Variants in HIBADH observed in about 807,000 individuals in gnomAD.
HIBADH encodes 3-hydroxyisobutyrate dehydrogenase.
A neutral mutation model predicts 36.1 loss-of-function variants in HIBADH; 25 were observed. That is an observed-to-expected ratio of 0.69 (90% CI 0.50 to 0.97). The LOEUF (loss-of-function observed/expected upper bound fraction) is 0.97. HIBADH is among the 50% of genes least tolerant of loss of function. HIBADH has a pLI of 0.00. For missense variants in HIBADH, 421 were observed against 418.0 expected, an observed-to-expected ratio of 1.01 and a Z score of -0.06; for synonymous variants, 160 against 149.5, an observed-to-expected ratio of 1.07 and a Z score of -0.51.
At chr7:27,562,304 T>G (rs1784479616) in intron 4 of HIBADH, among the ~76,000 whole-genome samples, 1 of 152,224 alleles carries the variant, frequency 6.6e-6, no homozygotes, top group South Asian at 2.1e-4. Flanking sequence ...GATCTATCTT[T>G]CATAGAACAG....
intron 4 of HIBADH, among the ~76,000 whole-genome samples, chr7:27,611,061 C>G (rs569132527): frequency 6.6e-6 from 1 of 152,288 alleles, no homozygotes; most frequent in African/African-American, 2.4e-5. Flanking sequence ...AAACAAATTA[C>G]TAAAACTTAA....
chr7:27,606,105 C>CAAAAT (rs909713872), intron 4 of HIBADH, among the ~76,000 whole-genome samples: 9 of 151,710 alleles, frequency 5.9e-5, no homozygotes, highest in Non-Finnish European at 1.2e-4. Flanking sequence ...CATCATAAAA[C>CAAAAT]ATTTTTTTCA....
chr7:27,601,243 A>G (rs914286350), intron 4 of HIBADH, among the ~76,000 whole-genome samples: 2 of 152,268 alleles, frequency 1.3e-5, no homozygotes, highest in African/African-American at 4.8e-5. Flanking sequence ...TCCTCTGTTT[A>G]AAGTTGTTGG....
intron 6 of HIBADH, among the ~76,000 whole-genome samples, chr7:27,535,098 A>T (rs998701920): frequency 4.0e-5 from 6 of 150,352 alleles, no homozygotes; most frequent in Non-Finnish European, 8.9e-5. Flanking sequence ...AATTTGTATG[A>T]TGGATAAGTG....
At chr7:27,607,080 C>T (rs1196507240) in intron 4 of HIBADH, among the ~76,000 whole-genome samples, 1 of 152,140 alleles carries the variant, frequency 6.6e-6, no homozygotes, top group African/African-American at 2.4e-5. Flanking sequence ...CCTAACAGAG[C>T]AAAGTGCAGG....
At chr7:27,527,609 T>A (rs1783922870) in intron 7 of HIBADH, among the ~76,000 whole-genome samples, 1 of 152,174 alleles carries the variant, frequency 6.6e-6, no homozygotes, top group African/African-American at 2.4e-5. Context: ...TTTGTGGCAA[T>A]CCTGCATTGA....
At chr7:27,613,657 T>G (rs978847980) in intron 4 of HIBADH, among the ~76,000 whole-genome samples, 116 of 59,922 alleles carry the variant, frequency 1.9e-3, no homozygotes, top group African/African-American at 9.9e-3. Flanking sequence ...TTGTTGTGGG[T>G]TTTTTTTGTT....
intron 4 of HIBADH, among the ~76,000 whole-genome samples, chr7:27,563,169 A>T (rs1042433989): frequency 3.0e-4 from 45 of 152,278 alleles, no homozygotes; most frequent in African/African-American, 1.1e-3. Flanking sequence ...ATAGAATATA[A>T]CCTTTCACAC....
intron 6 of HIBADH, among the ~76,000 whole-genome samples, chr7:27,535,310 G>A (rs1483613739): frequency 6.6e-6 from 1 of 151,896 alleles, no homozygotes; most frequent in Non-Finnish European, 1.5e-5. Flanking sequence ...AACAACTAAG[G>A]CTCCAGTCAT....
chr7:27,538,496 C>T (rs2128183815), intron 5 of HIBADH, 79 bp from the exon 6 acceptor site: 2 of 1,140,692 alleles, frequency 1.8e-6, no homozygotes, highest in South Asian at 2.5e-5. Flanking sequence ...TGCCCAATTC[C>T]AGGGGCTGCT....
chr7:27,576,698 T>C (rs17155498), intron 4 of HIBADH, among the ~76,000 whole-genome samples: 31,068 of 152,156 alleles, frequency 0.2, 4,140 homozygotes, highest in East Asian at 0.51. Flanking sequence ...ACTTAGCTCC[T>C]TAAAGTATAT....
chr7:27,569,198 CT>C (rs1784591925), intron 4 of HIBADH, among the ~76,000 whole-genome samples: 1 of 152,002 alleles, frequency 6.6e-6, no homozygotes, highest in African/African-American at 2.4e-5. Context: ...CCATTTGGTT[CT>C]TTTTTATAGC....
At chr7:27,623,426 TAA>T (rs957381664) in intron 4 of HIBADH, among the ~76,000 whole-genome samples, 1 of 152,044 alleles carries the variant, frequency 6.6e-6, no homozygotes, top group Non-Finnish European at 1.5e-5. Context: ...GAGAAAGAAA[TAA>T]AAGTCATCAA....
intron 2 of HIBADH, among the ~76,000 whole-genome samples, chr7:27,632,732 C>T (rs1027694863): frequency 3.3e-5 from 5 of 152,142 alleles, no homozygotes; most frequent in Non-Finnish European, 7.4e-5. Context: ...GTCCTGGGAA[C>T]AGACACACTT....
intron 4 of HIBADH, among the ~76,000 whole-genome samples, chr7:27,599,395 A>C (rs1760812037): frequency 6.6e-6 from 1 of 152,178 alleles, no homozygotes; most frequent in Non-Finnish European, 1.5e-5. Context: ...AGTTTTAAAA[A>C]TTGATGGCCG....
At chr7:27,582,022 T>C (rs1439928597) in intron 4 of HIBADH, among the ~76,000 whole-genome samples, 1 of 152,152 alleles carries the variant, frequency 6.6e-6, no homozygotes, top group African/African-American at 2.4e-5. Context: ...TGGATGTAAT[T>C]ATTAGCATTT....
intron 4 of HIBADH, among the ~76,000 whole-genome samples, chr7:27,550,253 T>C (rs1784300278): frequency 6.6e-6 from 1 of 152,138 alleles, no homozygotes; most frequent in African/African-American, 2.4e-5. Flanking sequence ...TTTTTCTCCA[T>C]TAAGTTATTC....
At chr7:27,617,503 GACA>G (rs1318110918) in intron 4 of HIBADH, among the ~76,000 whole-genome samples, 2 of 152,110 alleles carry the variant, frequency 1.3e-5, no homozygotes, top group African/African-American at 4.8e-5. Context: ...ACAGATACCA[GACA>G]GCCACCCTCT....
chr7:27,654,209 T>G (rs1013004790), intron 1 of HIBADH, among the ~76,000 whole-genome samples: 1 of 151,752 alleles, frequency 6.6e-6, no homozygotes, highest in African/African-American at 2.4e-5. Context: ...AAAAAATAAT[T>G]TAAAAAATAA....
Sources: allele counts gnomAD v4.1 joint callset (sites outside exome capture counted in the v4.1 genomes callset), GRCh38; gene constraint gnomAD v4.1.1; transcripts MANE v1.5; gene names NCBI Gene and HGNC (gene_info 2026-07-23, HGNC 2026-07-21).